The following LDB2 variants were observed in gnomAD, a reference collection of about 807,000 sequenced individuals.
LDB2 encodes the protein LIM domain binding 2, also known as LIM domain-binding protein 2.
In LDB2, 12 loss-of-function variants were observed where a neutral mutation model predicts 44.3. The ratio of observed to expected loss-of-function variants is 0.27; its 90% CI spans 0.17 to 0.44. The LOEUF (loss-of-function observed/expected upper bound fraction) is 0.44. Ranked by LOEUF, LDB2 falls within the 20% of genes least tolerant of loss-of-function variation. The pLI, the probability that LDB2 is intolerant of heterozygous loss-of-function variation, is 1.00. For synonymous variants in LDB2, 164 were observed against 174.8 expected, an observed-to-expected ratio of 0.94 and a Z score of 0.49; for missense variants, 344 against 473.5, an observed-to-expected ratio of 0.73 and a Z score of 2.54.
chr4:16,552,675 A>C (rs1039336073), intron 5 of LDB2, among the ~76,000 whole-genome samples: 5 of 152,352 alleles, frequency 3.3e-5, no homozygotes, highest in African/African-American at 7.2e-5. Flanking sequence ...TTTAATATCA[A>C]ATCCAAGCAA....
intron 1 of LDB2, among the ~76,000 whole-genome samples, chr4:16,869,855 T>G (rs1177045420): frequency 1.3e-5 from 2 of 152,194 alleles, no homozygotes; most frequent in Non-Finnish European, 2.9e-5. Flanking sequence ...CTGTTTTAGG[T>G]TGCAAATTTG....
chr4:16,581,841 C>T (rs1398230241), intron 5 of LDB2, among the ~76,000 whole-genome samples: 1 of 150,586 alleles, frequency 6.6e-6, no homozygotes, highest in Non-Finnish European at 1.5e-5. Context: ...TTCTCTCCTG[C>T]AAAATAGGAC....
chr4:16,686,250 A>C (rs983182656), intron 2 of LDB2, among the ~76,000 whole-genome samples: 3 of 152,248 alleles, frequency 2.0e-5, no homozygotes, highest in African/African-American at 7.2e-5. Flanking sequence ...TCCCATACTA[A>C]GCCAATAACC....
intron 1 of LDB2, among the ~76,000 whole-genome samples, chr4:16,884,801 C>CT (rs1321749138): frequency 2.0e-5 from 3 of 152,176 alleles, no homozygotes; most frequent in Non-Finnish European, 4.4e-5. Context: ...ATGCTAAGCA[C>CT]TTTACAAGAA....
intron 2 of LDB2, among the ~76,000 whole-genome samples, chr4:16,695,881 C>T (rs549925639): frequency 2.0e-5 from 3 of 152,150 alleles, no homozygotes; most frequent in Non-Finnish European, 4.4e-5. Flanking sequence ...GCAGACCATA[C>T]ACAAACAGAG....
chr4:16,858,462 GACCGTTCA>G (rs1789824742), intron 1 of LDB2, among the ~76,000 whole-genome samples: 1 of 152,202 alleles, frequency 6.6e-6, no homozygotes, highest in Non-Finnish European at 1.5e-5. Flanking sequence ...GACTAAGAGG[GACCGTTCA>G]GGTGAAAAGA....
At chr4:16,879,229 A>T (rs1201958343) in intron 1 of LDB2, among the ~76,000 whole-genome samples, 2 of 152,216 alleles carry the variant, frequency 1.3e-5, no homozygotes, top group African/African-American at 2.4e-5. Context: ...CCTCAGACAA[A>T]CATTCAAAGA....
At chr4:16,665,931 G>C (rs2152547334) in intron 2 of LDB2, among the ~76,000 whole-genome samples, 1 of 152,302 alleles carries the variant, frequency 6.6e-6, no homozygotes, top group South Asian at 2.1e-4. Context: ...AAGTGATGGA[G>C]CTACAAGCCC....
chr4:16,665,817 TG>T (rs1436396969), intron 2 of LDB2, among the ~76,000 whole-genome samples: 1 of 152,198 alleles, frequency 6.6e-6, no homozygotes, highest in Non-Finnish European at 1.5e-5. Flanking sequence ...CATCCCGGAC[TG>T]GGGCAGGCCC....
chr4:16,711,948 A>G (rs900542856), intron 2 of LDB2, among the ~76,000 whole-genome samples: 3 of 152,228 alleles, frequency 2.0e-5, no homozygotes, highest in Non-Finnish European at 2.9e-5. Context: ...TTTAAAGTGG[A>G]TCAGAAACCT....
chr4:16,757,726 G>A (rs1045693913), intron 2 of LDB2, among the ~76,000 whole-genome samples: 1 of 152,270 alleles, frequency 6.6e-6, no homozygotes, highest in Non-Finnish European at 1.5e-5. Flanking sequence ...TTGTCGGACT[G>A]CTGAGTTCAT....
At chr4:16,592,505 T>TATATACACACAC (rs757702164) in intron 3 of LDB2, among the ~76,000 whole-genome samples, 23 of 108,048 alleles carry the variant, frequency 2.1e-4, no homozygotes, top group African/African-American at 7.6e-4. Flanking sequence ...TATATATATA[T>TATATACACACAC]ACACACACAC....
chr4:16,821,673 G>A (rs1782052742), intron 1 of LDB2, among the ~76,000 whole-genome samples: 1 of 140,954 alleles, frequency 7.1e-6, no homozygotes, highest in East Asian at 2.4e-4. Context: ...ACAGGCGTGA[G>A]CCACCGCGCC....
intron 1 of LDB2, among the ~76,000 whole-genome samples, chr4:16,773,094 C>A (rs778305657): frequency 6.6e-6 from 1 of 152,126 alleles, no homozygotes; most frequent in East Asian, 1.9e-4. Context: ...CATAACCAAA[C>A]GTAAGTTCTG....
chr4:16,563,615 ATT>A (rs1272116766), intron 5 of LDB2, among the ~76,000 whole-genome samples: 7 of 135,974 alleles, frequency 5.1e-5, no homozygotes, highest in Admixed American at 7.3e-5. Flanking sequence ...CGCCTGGCTA[ATT>A]TTTTTTTTTT....
At chr4:16,891,145 A>C (rs899088816) in intron 1 of LDB2, among the ~76,000 whole-genome samples, 1 of 151,878 alleles carries the variant, frequency 6.6e-6, no homozygotes, top group Non-Finnish European at 1.5e-5. Context: ...GTTTAAAACA[A>C]TAAAAACACT....
chr4:16,518,020 T>A (rs1259839039), intron 5 of LDB2, among the ~76,000 whole-genome samples: 3 of 152,188 alleles, frequency 2.0e-5, no homozygotes, highest in Non-Finnish European at 4.4e-5. Flanking sequence ...GTGATGAATT[T>A]GTTCATTTGA....
chr4:16,618,780 T>C (rs979448156), intron 2 of LDB2, among the ~76,000 whole-genome samples: 9 of 152,184 alleles, frequency 5.9e-5, no homozygotes, highest in Non-Finnish European at 1.0e-4. Flanking sequence ...AAATCTCATG[T>C]TGAATTGTAA....
rs368925716 is a variant in LDB2, at chr4:16,862,374, C to T, written c.132+35980G>A. Among the ~76,000 whole-genome samples the T allele has an allele frequency of 1.6e-4, 25 of 152,104 alleles. No homozygotes were observed. In the East Asian group the frequency reaches 3.3e-3, roughly 20 times the overall value. On this transcript the variant is annotated intron_variant, in intron 1 of 7. Transcript: ENST00000304523. ...CCTGGCCGGGCGTGCTGGCTTACAC[C>T]TGTAATCCCAGCACTTTGGGAGGCC... is the stretch of plus-strand genomic sequence containing the variant.
Sources: allele counts gnomAD v4.1 joint callset (sites outside exome capture counted in the v4.1 genomes callset), GRCh38; gene constraint gnomAD v4.1.1; transcripts MANE v1.5; gene names NCBI Gene and HGNC (gene_info 2026-07-23, HGNC 2026-07-21).